SLC35F5: variants seen among roughly 807,000 people sequenced by gnomAD.
The protein encoded by SLC35F5 is HCV NS5A-transactivated protein 3.
Under a neutral mutation model 68.6 loss-of-function variants are expected in SLC35F5, and 54 were observed. That is an observed-to-expected ratio of 0.79 (90% CI 0.63 to 0.99). The LOEUF is 0.99. Among genes scored for constraint, SLC35F5 ranks in the 50% least tolerant of loss-of-function variants. The pLI is 0.00. For missense variants in SLC35F5, 567 were observed against 626.9 expected, an observed-to-expected ratio of 0.90 and a Z score of 1.02; for synonymous variants, 211 against 205.2, an observed-to-expected ratio of 1.03 and a Z score of -0.24.
rs1435552010 is a variant in SLC35F5, at chr2:113,712,189, T to C, written c.*3029A>G. On this transcript the variant is annotated 3_prime_UTR_variant, in exon 16 of 16. Coordinates refer to ENST00000245680, the MANE Select transcript of SLC35F5 (RefSeq NM_025181.5). Reference sequence around the variant, plus strand: ...AAATCAGCTTAATGTAAAGAATTAATTAAATCAGGTTGACAGAAGCCAATA... The same window carrying C: ...AAATCAGCTTAATGTAAAGAATTAACTAAATCAGGTTGACAGAAGCCAATA... Among the ~76,000 whole-genome samples, 1 of 152,240 alleles carries C rather than the reference T, an allele frequency of 6.6e-6. No individual in the cohort carries two copies. The highest frequency in any genetic ancestry group is 6.5e-5 in the Admixed American group (1 of 15,278).
At position 113,737,824 on chromosome 2, in the gene SLC35F5, T is replaced by G. The variant is rs1688147610; in HGVS notation, c.751-1966A>C. On this transcript the variant is annotated intron_variant, in intron 7 of 15. Transcript: ENST00000245680. ...CCCTCATCACCAAAGAAGACCCATC[T>G]CAACCATCCTCCAATAGAAATTGTC... 2.0e-5 allele frequency among the ~76,000 whole-genome samples: 3 copies of G among 152,292 alleles called. No homozygotes were observed. The South Asian group carries it at 6.2e-4, about 32-fold the overall frequency.
chr2:113,751,571 A>T (rs927164520), intron 3 of SLC35F5, among the ~76,000 whole-genome samples: 4 of 152,142 alleles, frequency 2.6e-5, no homozygotes, highest in Non-Finnish European at 5.9e-5. Flanking sequence ...GCACTTTGGG[A>T]GGCCGAGGCG....
chr2:113,749,937 TATGA>T (rs1676668786), intron 4 of SLC35F5, among the ~76,000 whole-genome samples: 1 of 152,174 alleles, frequency 6.6e-6, no homozygotes, highest in African/African-American at 2.4e-5. Flanking sequence ...CTTTCAACAC[TATGA>T]ATGAGCATAT....
Position 113,731,662 on chromosome 2 carries a change from A to C in SLC35F5, c.921-14T>G. On this transcript the variant is annotated splice_polypyrimidine_tract_variant and intron_variant, in intron 9 of 15. Transcript: ENST00000245680. ...ACGCCTCCAATGCTATGAGAATAAC[A>C]GTCATTAATGATGAGCTAAAGAATT... 6.2e-7 allele frequency: 1 copy of C among 1,606,456 alleles called. No homozygotes were observed. Among genetic ancestry groups the C allele is most frequent in the Non-Finnish European group, 8.5e-7 (1 of 1,173,354 alleles).
intron 8 of SLC35F5, 76 bp from the exon 9 acceptor site, chr2:113,734,749 TTAAA>T (rs1688022549): frequency 3.6e-6 from 3 of 833,988 alleles, no homozygotes; most frequent in Non-Finnish European, 3.8e-6. Context: ...ACTTCATTGT[TTAAA>T]TAAGCAAATT....
intron 7 of SLC35F5, among the ~76,000 whole-genome samples, chr2:113,738,282 C>T (rs1258175954): frequency 6.6e-6 from 1 of 152,122 alleles, no homozygotes; most frequent in East Asian, 1.9e-4. Context: ...TCTCTGGCAA[C>T]CACCATTCTA....
intron 9 of SLC35F5, among the ~76,000 whole-genome samples, chr2:113,732,786 T>C (rs1687947744): frequency 6.6e-6 from 1 of 152,188 alleles, no homozygotes. Flanking sequence ...TTAATCCTCA[T>C]AATAATCCTA....
intron 10 of SLC35F5, 48 bp downstream of exon 10, chr2:113,731,536 A>G (rs1212628450): frequency 1.4e-6 from 2 of 1,470,706 alleles, no homozygotes; most frequent in African/African-American, 1.4e-5. Context: ...ACGCACATGT[A>G]ACTTTCTTAT....
At chr2:113,705,543 T>G (rs981527185), downstream of SLC35F5, 2 of 146,030 alleles carry the variant, frequency 1.4e-5, no homozygotes, top group African/African-American at 5.0e-5. Flanking sequence ...CAGAGCAAGA[T>G]TCCATCTAAA....
At position 113,756,469 on chromosome 2, in the gene SLC35F5, G is replaced by A; in HGVS notation, c.-60C>T. On this transcript the variant is annotated 5_prime_UTR_variant, in exon 1 of 16. Coordinates refer to ENST00000245680, the MANE Select transcript of SLC35F5 (RefSeq NM_025181.5). The stretch of plus-strand genomic sequence containing the variant: ...CCACGGCCGCGGCCTCGGACTCACA[G>A]AGCTGTCACCGCGCCTGACATCGCG... 6.5e-7 allele frequency: 1 copy of A among 1,532,336 alleles called. No homozygotes were observed. The highest frequency in any genetic ancestry group is 1.2e-5 in the South Asian group (1 of 83,616). 94.9% of individuals were successfully genotyped at this position (1,532,336 alleles called of 1,614,324 possible). A position where few individuals can be genotyped will look rare whatever the true frequency, so the allele number is the denominator to read the frequency against.
intron 4 of SLC35F5, among the ~76,000 whole-genome samples, chr2:113,747,293 A>G (rs1676534538): frequency 6.6e-6 from 1 of 152,006 alleles, no homozygotes; most frequent in African/African-American, 2.4e-5. Context: ...TCTCAAAAAA[A>G]AAAAAACCCT....
At chr2:113,731,831 T>C (rs1440967140) in intron 9 of SLC35F5, among the ~76,000 whole-genome samples, 183 bp from the exon 10 acceptor site, 2 of 152,202 alleles carry the variant, frequency 1.3e-5, no homozygotes, top group Non-Finnish European at 1.5e-5. Context: ...TATATTTGTA[T>C]TAACTCATTT....
chr2:113,755,694 C>A, intron 1 of SLC35F5, 150 bp from the exon 2 acceptor site: 2 of 1,047,898 alleles, frequency 1.9e-6, no homozygotes, highest in Non-Finnish European at 1.4e-6. Flanking sequence ...TTTCTCAGTA[C>A]TTTCATGGTA....
In SLC35F5 at chr2:113,723,130, T is replaced by C. The variant is rs781312270; in HGVS notation, c.1315A>G (p.Ile439Val). 9.5e-6 allele frequency: 15 copies of C among 1,578,040 alleles called. No individual in the cohort carries two copies. Among genetic ancestry groups the C allele is most frequent in the Non-Finnish European group, 1.2e-5 (14 of 1,162,558 alleles). The stretch of plus-strand genomic sequence containing the variant: ...TTTTGCATACACATGTCAGCTATTA[T>C]GGACAGAGGTATTGTAAGGCTTAGT... ...LALSLTIPLSIIADMCMQKVQ... is the reference protein window; with the variant it reads ...LALSLTIPLSVIADMCMQKVQ... Residue 439 changes from isoleucine (I) to valine (V), a missense_variant, in exon 13 of 16, where the codon ATA becomes GTA. By Grantham distance (29) the Ile-to-Val change is conservative (BLOSUM62 3). Transcript: ENST00000245680.
At chr2:113,737,450 G>A (rs1479012445) in intron 7 of SLC35F5, among the ~76,000 whole-genome samples, 1 of 152,114 alleles carries the variant, frequency 6.6e-6, no homozygotes, top group African/African-American at 2.4e-5. Flanking sequence ...AAACATATAT[G>A]GCAAGAGAAG....
Position 113,755,929 on chromosome 2 carries a change from A to G in SLC35F5, c.41-385T>C, listed in dbSNP as rs2104500996. The G allele has an allele frequency of 1.9e-6, 3 of 1,550,526 alleles. No homozygotes were observed. In the Middle Eastern group the frequency reaches 5.0e-4, roughly 259 times the overall value. On this transcript the variant is annotated intron_variant, in intron 1 of 15. Transcript: ENST00000245680. ...TCTAAAAGTGTCTTTTCTGTCCCTG[A>G]TCTGCTGGAGTGGAATTTGGTTATC...
chr2:113,755,162 T>C lies in SLC35F5; in HGVS notation c.273+3A>G, dbSNP rs1463633505. 2.5e-6 allele frequency: 4 copies of C among 1,613,716 alleles called. No homozygotes were observed. The highest frequency in any genetic ancestry group is 1.1e-5 in the South Asian group (1 of 91,060). On this transcript the variant is annotated splice_donor_region_variant and intron_variant, in intron 3 of 15. Transcript: ENST00000245680. ...ACATCATTCCTGGACCAAAGGTACA[T>C]ACCGAAGTAAGTTCAGAGGAAGCAA...
In SLC35F5 at chr2:113,712,316, G is replaced by A. The variant is rs955476109; in HGVS notation, c.*2902C>T. Among the ~76,000 whole-genome samples the A allele has an allele frequency of 4.3e-5, 6 of 140,270 alleles. No homozygotes were observed. The highest frequency in any genetic ancestry group is 1.6e-4 in the African/African-American group (6 of 38,230). 92.0% of individuals were successfully genotyped at this position (140,270 alleles called of 152,430 possible). Reference sequence around the variant, plus strand: ...GCTTCAAAAAGCATTCATTTCAAAAGTATTCACTTTTTTTTTTTTTGAGAC... The same window carrying A: ...GCTTCAAAAAGCATTCATTTCAAAAATATTCACTTTTTTTTTTTTTGAGAC... On this transcript the variant is annotated 3_prime_UTR_variant, in exon 16 of 16. Coordinates refer to ENST00000245680, the MANE Select transcript of SLC35F5 (RefSeq NM_025181.5).
rs76929689 is a variant in SLC35F5 at position 113,709,799 on chromosome 2, A to C, written c.*5419T>G. On this transcript the variant is annotated 3_prime_UTR_variant, in exon 16 of 16. Transcript: ENST00000245680. ...AATCAGAAACTCTAGGGTGGCCCCC[A>C]GCAATCAAGTTTTTGGTTTTGTTTT... 9.8e-3 allele frequency among the ~76,000 whole-genome samples: 1,495 copies of C among 152,184 alleles called. 32 individuals carry two copies. Among genetic ancestry groups the C allele is most frequent in the African/African-American group, 0.034 (1,428 of 41,524 alleles).
Sources: allele counts gnomAD v4.1 joint callset (sites outside exome capture counted in the v4.1 genomes callset), GRCh38; gene constraint gnomAD v4.1.1; transcripts MANE v1.5; gene names NCBI Gene and HGNC (gene_info 2026-07-23, HGNC 2026-07-21).